Variants in EVC observed in about 807,000 individuals in gnomAD.
EVC encodes EvC ciliary complex subunit 1, also known as evC complex member EVC.
A neutral mutation model predicts 118.9 loss-of-function variants in EVC; 116 were observed. That is an observed-to-expected ratio of 0.98 (90% CI 0.84 to 1.14). The LOEUF (loss-of-function observed/expected upper bound fraction) is 1.14, where lower values mean the gene tolerates loss of function less well. EVC is among the 50% of genes most tolerant of loss of function. The pLI, the probability that EVC is intolerant of heterozygous loss-of-function variation, is 0.00. For synonymous variants in EVC, 619 were observed against 534.7 expected, an observed-to-expected ratio of 1.16 and a Z score of -2.18; for missense variants, 1,401 against 1,246.4, an observed-to-expected ratio of 1.12 and a Z score of -1.87.
At chr4:5,784,606 AT>A (rs35237111) in intron 12 of EVC, among the ~76,000 whole-genome samples, 12,220 of 111,138 alleles carry the variant, frequency 0.11, 373 homozygotes, top group African/African-American at 0.2. Flanking sequence ...ATACACATTG[AT>A]TTTTTTTTTT....
At chr4:5,820,963 G>C in the EVC span, 1 of 152,220 alleles carries the variant, frequency 6.6e-6, no homozygotes, top group Non-Finnish European at 1.5e-5. Flanking sequence ...GCCACGCAGG[G>C]GCAGCCATCA....
chr4:5,808,478 G>A lies in EVC; in HGVS notation c.2688+151G>A, dbSNP rs182467123. On this transcript the variant is annotated intron_variant, in intron 18 of 20. Coordinates refer to ENST00000264956, the MANE Select transcript of EVC (RefSeq NM_153717.3). ...CCGCTGAGTCTCACCTGCTGAGGGT[G>A]TGTCGGCCTCGCCTTAGGACCCTGA... 6.1e-3 allele frequency: 8,027 copies of A among 1,310,388 alleles called. 29 individuals carry two copies. Among genetic ancestry groups the A allele is most frequent in the Non-Finnish European group, 7.1e-3 (6,613 of 933,044 alleles). The allele number at this position is 1,310,388 out of a possible 1,614,324, so 81.2% of individuals were successfully genotyped here. A position where few individuals can be genotyped will look rare whatever the true frequency, so the allele number is the denominator to read the frequency against.
chr4:5,774,978 C>T (rs1734502088), intron 11 of EVC, among the ~76,000 whole-genome samples: 1 of 152,068 alleles, frequency 6.6e-6, no homozygotes, highest in Non-Finnish European at 1.5e-5. Context: ...AGACAGGATC[C>T]AGCACATTTC....
chr4:5,735,583 C>A (rs574432822), intron 5 of EVC, among the ~76,000 whole-genome samples: 1 of 152,286 alleles, frequency 6.6e-6, no homozygotes, highest in Non-Finnish European at 1.5e-5. Flanking sequence ...AGTGATTATT[C>A]TGCACGTACA....
At chr4:5,764,363 CT>C (rs1286338523) in intron 11 of EVC, among the ~76,000 whole-genome samples, 1 of 136,532 alleles carries the variant, frequency 7.3e-6, no homozygotes, top group African/African-American at 2.8e-5. Context: ...CTAAAATTCT[CT>C]TTTTTGGTTG....
In EVC at chr4:5,783,541, C is replaced by G; in HGVS notation, c.1564-11C>G. ...GTGACCTGTAACCCCATCTGTGGTT[C>G]TCCGCTCCAGGAGCTGTACTTCAGC... is the stretch of plus-strand genomic sequence containing the variant. On this transcript the variant is annotated splice_polypyrimidine_tract_variant and intron_variant, in intron 11 of 20. Coordinates refer to ENST00000264956, the MANE Select transcript of EVC (RefSeq NM_153717.3). 4 of 1,614,050 alleles carry G rather than the reference C, an allele frequency of 2.5e-6. No individual in the cohort carries two copies. The highest frequency in any genetic ancestry group is 1.7e-6 in the Non-Finnish European group (2 of 1,179,940).
At chr4:5,805,601 A>T (rs908359432) in intron 17 of EVC, among the ~76,000 whole-genome samples, 16 of 152,098 alleles carry the variant, frequency 1.1e-4, no homozygotes, top group Non-Finnish European at 2.1e-4. Flanking sequence ...ACACCTGGAG[A>T]CTCAGGCTCA....
the EVC span, among the ~76,000 whole-genome samples, chr4:5,819,891 T>C: frequency 6.6e-6 from 1 of 152,128 alleles, no homozygotes; most frequent in Admixed American, 6.5e-5. Context: ...CTTTCAACCT[T>C]GACAAAGGTA....
chr4:5,825,464 T>TG, the EVC span: 1 of 1,540,082 alleles, frequency 6.5e-7, no homozygotes, highest in South Asian at 1.3e-5. The surrounding 1 kb of genome is among the most constrained non-coding windows in gnomAD (Gnocchi z 4.4). Context: ...GCTGCAATTG[T>TG]GGGGAGCCTG....
chr4:5,803,137 A>G (rs912502477), intron 16 of EVC, among the ~76,000 whole-genome samples: 3 of 152,194 alleles, frequency 2.0e-5, no homozygotes, highest in Non-Finnish European at 2.9e-5. Context: ...ACAGATAAGG[A>G]TGGTTGGAAG....
At chr4:5,825,100 G>A in the EVC span, 2 of 985,394 alleles carry the variant, frequency 2.0e-6, no homozygotes, top group Non-Finnish European at 2.4e-6. The surrounding 1 kb of genome is among the most constrained non-coding windows in gnomAD (Gnocchi z 4.4). Context: ...GGGTGAACAG[G>A]CTAAAGACTT....
Position 5,731,631 on chromosome 4 carries a change from C to T in EVC, c.591C>T (p.Ala197=). 2 of 1,614,162 alleles carry T rather than the reference C, an allele frequency of 1.2e-6. No homozygotes were observed. Among genetic ancestry groups the T allele is most frequent in the Non-Finnish European group, 1.7e-6 (2 of 1,180,040 alleles). ...GCCGCACCTTCCTCCGGGTGAACGC[C>T]TTCCCTGAAGTGCTGGCCTGCGAGA... ...FLSRTFLRVN[A]FPEVLACESV... The change falls in exon 4 of 21, where the codon GCC becomes GCT. Residue 197 remains alanine, a synonymous_variant. Transcript: ENST00000264956. The surrounding 1 kb of genome is among the most constrained non-coding windows in gnomAD (Gnocchi z 5.6).
Position 5,731,409 on chromosome 4 carries a change from C to T in EVC, c.385-16C>T, listed in dbSNP as rs113571700. On this transcript the variant is annotated splice_polypyrimidine_tract_variant and intron_variant, in intron 3 of 20. Transcript: ENST00000264956. This position sits in a 1 kb window ranked among gnomAD's most constrained non-coding sequence, Gnocchi z 5.6. ...GGCATCACATGGACTGAGTGTGACTCCTACTGCCACCCCAGCCTCTGGCCG... is the reference window on the plus strand; with the variant it reads ...GGCATCACATGGACTGAGTGTGACTTCTACTGCCACCCCAGCCTCTGGCCG... 10,007 of 1,599,726 alleles carry T rather than the reference C, an allele frequency of 6.3e-3. 114 individuals are homozygous for T. The highest frequency in any genetic ancestry group is 0.028 in the South Asian group (2,568 of 90,742).
At chr4:5,733,647 A>G (rs1477503666) in intron 5 of EVC, among the ~76,000 whole-genome samples, 1 of 152,156 alleles carries the variant, frequency 6.6e-6, no homozygotes, top group African/African-American at 2.4e-5. Flanking sequence ...CTTGACTTCA[A>G]CCAGAGCTGT....
the EVC span, chr4:5,824,605 G>A: frequency 1.9e-5 from 18 of 948,544 alleles, no homozygotes; most frequent in African/African-American, 8.9e-5. Flanking sequence ...GTTTCTGTAC[G>A]ATCCATGACC....
At chr4:5,825,797 A>C in the EVC span, 5 of 787,418 alleles carry the variant, frequency 6.3e-6, no homozygotes, top group Non-Finnish European at 1.0e-5. The surrounding 1 kb of genome is among the most constrained non-coding windows in gnomAD (Gnocchi z 4.4). Flanking sequence ...CACAACACGC[A>C]CACACGACAG....
At position 5,784,958 on chromosome 4, in the gene EVC, A is replaced by T. The variant is rs547777255; in HGVS notation, c.1776+1194A>T. 4.6e-5 allele frequency among the ~76,000 whole-genome samples: 7 copies of T among 152,190 alleles called. No individual in the cohort carries two copies. The South Asian group carries it at 1.0e-3, about 23-fold the overall frequency. On this transcript the variant is annotated intron_variant, in intron 12 of 20. Transcript: ENST00000264956. Reference sequence around the variant, plus strand: ...TAAAAACTGTTAAATTAAAGAAGGCATTTCCAAATTCAACATCCACCAAGA... The same window carrying T: ...TAAAAACTGTTAAATTAAAGAAGGCTTTTCCAAATTCAACATCCACCAAGA...
intron 12 of EVC, among the ~76,000 whole-genome samples, chr4:5,784,679 C>G (rs571739511): frequency 1.6e-4 from 22 of 140,988 alleles, no homozygotes; most frequent in African/African-American, 5.9e-4. Flanking sequence ...GCGATCTTGG[C>G]TCACTGCAAC....
rs2151969253 is a variant in EVC, at chr4:5,737,307, A to G, written c.702+3872A>G. 6.6e-6 allele frequency among the ~76,000 whole-genome samples: 1 copy of G among 152,372 alleles called. No individual in the cohort carries two copies. Among genetic ancestry groups the G allele is most frequent in the Middle Eastern group, 3.4e-3 (1 of 294 alleles). On this transcript the variant is annotated intron_variant, in intron 5 of 20. Transcript: ENST00000264956. This position sits in a 1 kb window ranked among gnomAD's most constrained non-coding sequence, Gnocchi z 5.0. ...AAAGAAGCTGTCTCCAGAACAAACA[A>G]AAGTGCAAGGTGAAGCAGCAGCAAG...
Sources: gnomAD v4.1 joint callset for allele counts (sites outside exome capture counted in the v4.1 genomes callset) on GRCh38, gnomAD v4.1.1 for gene constraint, Gnocchi (gnomAD v3.1) non-coding constraint, MANE v1.5 for transcripts, NCBI Gene and HGNC (gene_info 2026-07-23, HGNC 2026-07-21) for gene names.